CARMIL1: variants seen among roughly 807,000 people sequenced by gnomAD.
The protein encoded by CARMIL1 is F-actin-uncapping protein LRRC16A.
CARMIL1 carries 90 observed loss-of-function variants against 177.1 expected under a neutral mutation model. That is an observed-to-expected ratio of 0.51 (90% CI 0.43 to 0.61). The LOEUF (loss-of-function observed/expected upper bound fraction) is 0.61, where lower values mean the gene tolerates loss of function less well. Among genes scored for constraint, CARMIL1 ranks in the 20% least tolerant of loss-of-function variants. The pLI is 0.00. For missense variants in CARMIL1, 1,380 were observed against 1,667.0 expected (o/e 0.83, Z 3.00); for synonymous variants, 577 against 606.2 (o/e 0.95, Z 0.71).
intron 2 of CARMIL1, among the ~76,000 whole-genome samples, chr6:25,408,046 A>T (rs956392007): frequency 1.3e-5 from 2 of 152,022 alleles, no homozygotes; most frequent in African/African-American, 2.4e-5. Context: ...TATAATCCAA[A>T]CACTTTGTGA....
intron 29 of CARMIL1, among the ~76,000 whole-genome samples, chr6:25,565,749 G>C (rs1811502670): frequency 6.6e-6 from 1 of 152,166 alleles, no homozygotes; most frequent in South Asian, 2.1e-4. Flanking sequence ...GGAGGCTGAG[G>C]CAGGAGAATT....
chr6:25,315,059 T>C (rs1784161098), intron 2 of CARMIL1, among the ~76,000 whole-genome samples: 1 of 152,212 alleles, frequency 6.6e-6, no homozygotes, highest in Non-Finnish European at 1.5e-5. Context: ...TCTGTTTTAA[T>C]CCTCACAGTA....
chr6:25,558,377 G>T lies in CARMIL1; in HGVS notation c.2742+1527G>T, dbSNP rs1221071598. Among the ~76,000 whole-genome samples, 1 of 152,168 alleles carries T rather than the reference G, an allele frequency of 6.6e-6. No individual in the cohort carries two copies. Among genetic ancestry groups the T allele is most frequent in the Non-Finnish European group, 1.5e-5 (1 of 68,038 alleles). ...AGGAAAAGTTGGTTATGAAAGACTG[G>T]CTCACCTACTGTAACGTTGGTTTTA... On this transcript the variant is annotated intron_variant, in intron 29 of 36. Coordinates refer to ENST00000329474, the MANE Select transcript of CARMIL1 (RefSeq NM_017640.6). The surrounding 1 kb of genome is among the most constrained non-coding windows in gnomAD (Gnocchi z 4.1).
intron 2 of CARMIL1, among the ~76,000 whole-genome samples, chr6:25,354,860 T>C (rs1456175749): frequency 2.0e-5 from 3 of 152,136 alleles, no homozygotes; most frequent in Non-Finnish European, 2.9e-5. Flanking sequence ...AGTTCTCTCT[T>C]ACAGTGAGTG....
chr6:25,486,926 T>C (rs886487927), intron 12 of CARMIL1, among the ~76,000 whole-genome samples: 1 of 152,164 alleles, frequency 6.6e-6, no homozygotes, highest in Admixed American at 6.5e-5. Context: ...TTTTCCCTAA[T>C]GGTCTTTGCA....
chr6:25,499,409 A>G (rs1023798920), intron 16 of CARMIL1, among the ~76,000 whole-genome samples: 6 of 152,188 alleles, frequency 3.9e-5, no homozygotes, highest in African/African-American at 1.2e-4. Flanking sequence ...TCCACTTAGT[A>G]TAATTTAGTG....
At chr6:25,429,236 T>G (rs1032060898) in intron 4 of CARMIL1, among the ~76,000 whole-genome samples, 1 of 152,204 alleles carries the variant, frequency 6.6e-6, no homozygotes, top group African/African-American at 2.4e-5. Context: ...AGATTTCCAA[T>G]GTCCAAGGGT....
intron 33 of CARMIL1, among the ~76,000 whole-genome samples, chr6:25,602,333 G>A (rs3804115): frequency 0.4 from 61,468 of 151,970 alleles, 12,789 homozygotes; most frequent in Non-Finnish European, 0.46. Flanking sequence ...AGATGCCCAA[G>A]GAAATGTTAA....
intron 2 of CARMIL1, among the ~76,000 whole-genome samples, chr6:25,349,824 G>A (rs2150355158): frequency 6.6e-6 from 1 of 150,452 alleles, no homozygotes; most frequent in African/African-American, 2.4e-5. Flanking sequence ...CAACTCCCTG[G>A]TTCAAGCTAT....
intron 2 of CARMIL1, among the ~76,000 whole-genome samples, chr6:25,390,312 ATATATATATTTTTT>A (rs1309362452): frequency 1.5e-4 from 6 of 38,868 alleles, no homozygotes; most frequent in African/African-American, 4.7e-4. Context: ...ATATATATAT[ATATATATATTTTTT>A]TTTTTTTTTT....
intron 29 of CARMIL1, among the ~76,000 whole-genome samples, chr6:25,579,322 CA>C: frequency 1.3e-5 from 2 of 149,616 alleles, no homozygotes; most frequent in Non-Finnish European, 3.0e-5. Flanking sequence ...TTATTTGTGA[CA>C]ATCTAAATGA....
intron 2 of CARMIL1, among the ~76,000 whole-genome samples, chr6:25,353,140 T>G (rs968708980): frequency 6.6e-6 from 1 of 152,206 alleles, no homozygotes; most frequent in Non-Finnish European, 1.5e-5. Context: ...CTCTGATTCC[T>G]GATAGATGAC....
At chr6:25,377,407 A>C (rs1581730919) in intron 2 of CARMIL1, among the ~76,000 whole-genome samples, 1 of 152,064 alleles carries the variant, frequency 6.6e-6, no homozygotes, top group Non-Finnish European at 1.5e-5. Flanking sequence ...GATGTCATGT[A>C]CTTCTTCTTC....
chr6:25,459,260 T>TTCTTTCTTTCTTTC (rs1799862703), intron 8 of CARMIL1, among the ~76,000 whole-genome samples: 1 of 125,222 alleles, frequency 8.0e-6, no homozygotes, highest in Admixed American at 9.1e-5. Flanking sequence ...CTTTCTTTCT[T>TTCTTTCTTTCTTTC]TCTTTCTTTT....
chr6:25,520,199 A>G, intron 22 of CARMIL1, 45 bp from the exon 23 acceptor site: 1 of 907,394 alleles, frequency 1.1e-6, no homozygotes, highest in Non-Finnish European at 1.7e-6. Context: ...TTAAGGTAAT[A>G]GGAAGTTATT....
At chr6:25,612,690 T>G in intron 36 of CARMIL1, 3 of 854,448 alleles carry the variant, frequency 3.5e-6, no homozygotes, top group Non-Finnish European at 4.2e-6. Flanking sequence ...AACACATTGA[T>G]GTATGTGCTA....
intron 2 of CARMIL1, among the ~76,000 whole-genome samples, chr6:25,403,790 C>T (rs4712931): frequency 0.053 from 8,106 of 152,218 alleles, 522 homozygotes; most frequent in East Asian, 0.27. Context: ...GCATTAAGCA[C>T]GCTCTATTCT....
intron 2 of CARMIL1, among the ~76,000 whole-genome samples, chr6:25,417,848 T>C (rs1322396547): frequency 6.6e-6 from 1 of 152,210 alleles, no homozygotes; most frequent in Non-Finnish European, 1.5e-5. Context: ...ATGGGAATAA[T>C]GACATCAAAT....
chr6:25,467,533 A>G (rs1297801901), intron 9 of CARMIL1, among the ~76,000 whole-genome samples: 2 of 152,218 alleles, frequency 1.3e-5, no homozygotes, highest in African/African-American at 4.8e-5. Context: ...CCAACCTGCA[A>G]TTACAGGAAG....
Sources: gnomAD v4.1 joint callset for allele counts (sites outside exome capture counted in the v4.1 genomes callset) on GRCh38, gnomAD v4.1.1 for gene constraint, Gnocchi (gnomAD v3.1) non-coding constraint, MANE v1.5 for transcripts, NCBI Gene and HGNC (gene_info 2026-07-23, HGNC 2026-07-21) for gene names.